TECPR1: variants seen among roughly 807,000 people sequenced by gnomAD.
TECPR1 encodes tectonin beta-propeller repeat-containing protein 1.
TECPR1 carries 122 observed loss-of-function variants against 162.4 expected under a neutral mutation model. The observed-to-expected ratio is 0.75, with a 90% CI of 0.65 to 0.87. The LOEUF is 0.87. Among genes scored for constraint, TECPR1 ranks in the 40% least tolerant of loss-of-function variants. The probability of loss-of-function intolerance (pLI) is 0.00; values close to 1 mark genes in which losing one functional copy is unlikely to be tolerated. For synonymous variants in TECPR1, 642 were observed against 670.6 expected (o/e 0.96, Z 0.66); for missense variants, 1,432 against 1,618.2 (o/e 0.88, Z 1.97).
At chr7:98,240,146 G>A (rs1251870356) in intron 8 of TECPR1, among the ~76,000 whole-genome samples, 1 of 151,982 alleles carries the variant, frequency 6.6e-6, no homozygotes, top group Non-Finnish European at 1.5e-5. Flanking sequence ...GTGAGTAATC[G>A]GAAATCGGCT....
intron 17 of TECPR1, 47 bp from the exon 18 acceptor site, chr7:98,225,149 A>G (rs1798249633): frequency 6.6e-7 from 1 of 1,510,904 alleles, no homozygotes; most frequent in African/African-American, 1.4e-5. Context: ...TGGGGAATGA[A>G]CTGGCTCACT....
chr7:98,240,126 G>T (rs1584350306), intron 8 of TECPR1, among the ~76,000 whole-genome samples: 2 of 152,038 alleles, frequency 1.3e-5, no homozygotes, highest in African/African-American at 2.4e-5. Flanking sequence ...ACAAACAAAA[G>T]AAAAACCCTG....
rs749787439 is a variant in TECPR1, at chr7:98,233,525, T to A, written c.1568A>T (p.Glu523Val). ...GTGGTCATCCACCCCATACGGCTCC[T>A]CCAAGCCCAGTGGGAGGAGCCCCAG... ...SSLGLLPLGL[E>V]EPYGVDDHPL... is the part of the protein sequence containing the mutation. Residue 523 changes from glutamate (E) to valine (V), a missense_variant, in exon 11 of 26, where the codon GAG becomes GTG. Physicochemically the swap from Glu to Val is moderately radical, Grantham distance 121. Transcript: ENST00000447648. The A allele has an allele frequency of 7.6e-6, 12 of 1,578,042 alleles. No individual in the cohort carries two copies. The Admixed American group carries it at 2.1e-4, about 28-fold the overall frequency.
In TECPR1 at chr7:98,217,994, G is replaced by C; in HGVS notation, c.3206C>G (p.Ser1069Cys). 6.4e-7 allele frequency: 1 copy of C among 1,567,834 alleles called. No individual in the cohort carries two copies. The highest frequency in any genetic ancestry group is 8.6e-7 in the Non-Finnish European group (1 of 1,156,794). Reference sequence around the variant, plus strand: ...GTTGTTGGACACGTGCTCCCAGCTGGAGCCCTGCGGGTAGCTGGGCGTGAT... The same window carrying C: ...GTTGTTGGACACGTGCTCCCAGCTGCAGCCCTGCGGGTAGCTGGGCGTGAT... ...QGITPSYPQGSSWEHVSNNVC... is the reference protein window; with the variant it reads ...QGITPSYPQGCSWEHVSNNVC... Residue 1069 changes from serine to cysteine, a missense_variant, in exon 24 of 26, where the codon TCC becomes TGC. Coordinates refer to ENST00000447648, the MANE Select transcript of TECPR1 (RefSeq NM_015395.3).
rs555046316 is a variant in TECPR1, at chr7:98,241,387, C to T, written c.658-143G>A. ...CCTGCCCCCTACCCCGGCCAAAAAA[C>T]GCAAACCCTGGATTCCGGTGGTCCT... On this transcript the variant is annotated intron_variant, in intron 6 of 25. Coordinates refer to ENST00000447648, the MANE Select transcript of TECPR1 (RefSeq NM_015395.3). The surrounding 1 kb of genome is among the most constrained non-coding windows in gnomAD (Gnocchi z 5.0). 74 of 983,008 alleles carry T rather than the reference C, an allele frequency of 7.5e-5. No individual in the cohort carries two copies. The highest frequency in any genetic ancestry group is 1.8e-4 in the South Asian group (11 of 61,130). 60.9% of individuals were successfully genotyped at this position (983,008 alleles called of 1,614,324 possible). A position where few individuals can be genotyped will look rare whatever the true frequency, so the allele number is the denominator to read the frequency against.
rs1482578459 is a variant in TECPR1, at chr7:98,236,913, G to A, written c.1044C>T (p.Gly348=). 6.4e-7 allele frequency: 1 copy of A among 1,558,908 alleles called. No homozygotes were observed. The highest frequency in any genetic ancestry group is 8.7e-7 in the Non-Finnish European group (1 of 1,151,550). Reference sequence around the variant, plus strand: ...ACACGGCTCGGTCCTCACAGCCAATGCCCCACACCTGGAAGAGAGAGGCTG... The same window carrying A: ...ACACGGCTCGGTCCTCACAGCCAATACCCCACACCTGGAAGAGAGAGGCTG... ...VNVGMNDQVW[G]IGCEDRAVYF... Residue 348 remains glycine, a synonymous_variant, in exon 10 of 26, where the codon GGC becomes GGT. Transcript: ENST00000447648.
chr7:98,244,457 G>C, intron 5 of TECPR1, 114 bp downstream of exon 5: 1 of 1,393,684 alleles, frequency 7.2e-7, no homozygotes, highest in Non-Finnish European at 9.7e-7. Flanking sequence ...GCCAGGTCCC[G>C]AGGTGGGCGT....
chr7:98,228,026 C>A lies in TECPR1; in HGVS notation c.2501G>T (p.Gly834Val). Residue 834 changes from glycine to valine, a missense_variant, in exon 17 of 26, where the codon GGC becomes GTC. Gly to Val is a moderately radical substitution (Grantham distance 109). Transcript: ENST00000447648. The part of the protein sequence containing the change: ...YENQRWNPVT[G>V]YTSRGLPTDR... ...CTGTGCCACTTACCTGCTGGTGTAG[C>A]CTGTGACGGGGTTCCAGCGCTGGTT... 1 of 1,612,284 alleles carries A rather than the reference C, an allele frequency of 6.2e-7. No individual in the cohort carries two copies.
At position 98,217,831 on chromosome 7, in the gene TECPR1, AAGCCCTC is replaced by A; in HGVS notation, c.3265-27_3265-21del. 6.5e-7 allele frequency: 1 copy of A among 1,546,978 alleles called. No homozygotes were observed. The highest frequency in any genetic ancestry group is 8.7e-7 in the Non-Finnish European group (1 of 1,144,178). On this transcript the variant is annotated intron_variant, in intron 24 of 25. Coordinates refer to ENST00000447648, the MANE Select transcript of TECPR1 (RefSeq NM_015395.3). ...CCAGACCTGGAGCACAGACCCCATG[AAGCCCTC>A]AGCCCTACCTGCAGTGGGACGGCTG...
In TECPR1 at chr7:98,245,005, A is replaced by G; in HGVS notation, c.288T>C (p.Ser96=). 3 of 1,609,958 alleles carry G rather than the reference A, an allele frequency of 1.9e-6. No individual in the cohort carries two copies. The highest frequency in any genetic ancestry group is 2.5e-6 in the Non-Finnish European group (3 of 1,178,738). The part of the protein sequence containing the change: ...KLLLSDRWGW[S]DVSGLQHRPL... ...GCCGGTGCTGGAGCCCACTCACGTC[A>G]CTCCACCCCCAGCGGTCACTCAGCA... Residue 96 remains serine, a synonymous_variant, in exon 4 of 26, where the codon AGT becomes AGC. Coordinates refer to ENST00000447648, the MANE Select transcript of TECPR1 (RefSeq NM_015395.3).
intron 10 of TECPR1, among the ~76,000 whole-genome samples, chr7:98,235,846 AAAAAAC>A (rs1798585443): frequency 1.4e-5 from 1 of 70,430 alleles, no homozygotes; most frequent in Non-Finnish European, 4.4e-5. Context: ...AAAAAAAAAA[AAAAAAC>A]ACCATCTGAG....
intron 10 of TECPR1, among the ~76,000 whole-genome samples, chr7:98,236,025 C>T (rs112607949): frequency 8.5e-5 from 13 of 152,164 alleles, no homozygotes; most frequent in African/African-American, 1.4e-4. Flanking sequence ...GAAACGTGGA[C>T]GGCTGCAGAG....
intron 8 of TECPR1, 57 bp from the exon 9 acceptor site, chr7:98,238,667 G>T: frequency 1.4e-6 from 2 of 1,399,696 alleles, no homozygotes; most frequent in Non-Finnish European, 2.0e-6. Context: ...CAGACGGTTC[G>T]TTCGTTTAAG....
intron 2 of TECPR1, among the ~76,000 whole-genome samples, chr7:98,247,560 T>C (rs562715464): frequency 6.6e-6 from 1 of 152,222 alleles, no homozygotes; most frequent in East Asian, 1.9e-4. Flanking sequence ...CTCCCCGCCA[T>C]GTTGGCCTCT....
chr7:98,236,026 G>T (rs1032550702), intron 10 of TECPR1, among the ~76,000 whole-genome samples: 1 of 152,064 alleles, frequency 6.6e-6, no homozygotes, highest in Non-Finnish European at 1.5e-5. Flanking sequence ...AAACGTGGAC[G>T]GCTGCAGAGC....
chr7:98,246,148 G>A lies in TECPR1; in HGVS notation c.-2C>T, dbSNP rs1368805887. 3 of 1,539,656 alleles carry A rather than the reference G, an allele frequency of 1.9e-6. No homozygotes were observed. Among genetic ancestry groups the A allele is most frequent in the Non-Finnish European group, 2.6e-6 (3 of 1,139,142 alleles). The stretch of plus-strand genomic sequence containing the variant: ...CGCCCACAGCACTGAGTTGGGCATG[G>A]CAGCGGCTGGAGGTAACCTGCGGCA... On this transcript the variant is annotated 5_prime_UTR_variant, in exon 3 of 26. Coordinates refer to ENST00000447648, the MANE Select transcript of TECPR1 (RefSeq NM_015395.3).
At position 98,231,782 on chromosome 7, in the gene TECPR1, C is replaced by T; in HGVS notation, c.1974+22G>A. 1.9e-6 allele frequency: 3 copies of T among 1,604,052 alleles called. No homozygotes were observed. The South Asian group carries it at 3.3e-5, about 18-fold the overall frequency. ...CCCTGTGTCCCCTCCCTGGCCCCAT[C>T]TCCTGTGGGACCCGTGGGCACCTTC... On this transcript the variant is annotated intron_variant, in intron 13 of 25. Coordinates refer to ENST00000447648, the MANE Select transcript of TECPR1 (RefSeq NM_015395.3).
chr7:98,231,120 T>C lies in TECPR1; in HGVS notation c.2125-2A>G, dbSNP rs772197432. On this transcript the variant is annotated splice_acceptor_variant, in intron 14 of 25. Coordinates refer to ENST00000447648, the MANE Select transcript of TECPR1 (RefSeq NM_015395.3). LOFTEE classifies it high-confidence loss of function. The stretch of plus-strand genomic sequence containing the variant: ...GCAAGACAGGCTGAGCAGGGCGAGC[T>C]GGTGTGGCACAATGCCGGTCACTGC... The C allele has an allele frequency of 2.5e-6, 4 of 1,601,982 alleles. No homozygotes were observed. The highest frequency in any genetic ancestry group is 1.7e-6 in the Non-Finnish European group (2 of 1,175,806).
intron 15 of TECPR1, 41 bp from the exon 16 acceptor site, chr7:98,229,207 C>A: frequency 1.3e-6 from 2 of 1,538,706 alleles, no homozygotes; most frequent in South Asian, 1.2e-5. Context: ...CCCTCAGACC[C>A]CACCTTCCAA....
Sources: allele counts gnomAD v4.1 joint callset (sites outside exome capture counted in the v4.1 genomes callset), GRCh38; gene constraint gnomAD v4.1.1; non-coding constraint Gnocchi (gnomAD v3.1); transcripts MANE v1.5; gene names NCBI Gene and HGNC (gene_info 2026-07-23, HGNC 2026-07-21).